Variants in PCED1B observed in about 807,000 individuals in gnomAD.
The protein encoded by PCED1B is PC-esterase domain-containing protein 1B.
For missense variants in PCED1B, 573 were observed against 573.9 expected (o/e 1.00, Z 0.02); for synonymous variants, 251 against 246.1 (o/e 1.02, Z -0.19).
intron 2 of PCED1B, among the ~76,000 whole-genome samples, chr12:47,155,942 G>C (rs1296842012): frequency 6.6e-6 from 1 of 152,116 alleles, no homozygotes; most frequent in Non-Finnish European, 1.5e-5. Flanking sequence ...AGGGGAGAAG[G>C]GGTGGCTATT....
At chr12:47,218,579 G>A (rs1361540978) in intron 3 of PCED1B, among the ~76,000 whole-genome samples, 1 of 152,120 alleles carries the variant, frequency 6.6e-6, no homozygotes, top group Non-Finnish European at 1.5e-5. Context: ...AAACTCCTGG[G>A]TGCAAGGTAT....
At chr12:47,115,742 T>C (rs1939392424) in intron 2 of PCED1B, among the ~76,000 whole-genome samples, 1 of 152,216 alleles carries the variant, frequency 6.6e-6, no homozygotes. Context: ...ATGATGATGG[T>C]CTATAGCAGA....
At chr12:47,183,178 T>C (rs1488704117) in intron 2 of PCED1B, among the ~76,000 whole-genome samples, 1 of 152,148 alleles carries the variant, frequency 6.6e-6, no homozygotes, top group East Asian at 1.9e-4. Flanking sequence ...TAGGGAAAAA[T>C]AGAGTGCTAC....
intron 2 of PCED1B, among the ~76,000 whole-genome samples, chr12:47,123,577 A>T (rs1349829903): frequency 6.6e-6 from 1 of 152,106 alleles, no homozygotes; most frequent in Non-Finnish European, 1.5e-5. Context: ...TATCAAAAAA[A>T]ATTAATAACA....
At chr12:47,175,896 T>TC (rs1319414956) in intron 2 of PCED1B, among the ~76,000 whole-genome samples, 1 of 151,282 alleles carries the variant, frequency 6.6e-6, no homozygotes, top group Non-Finnish European at 1.5e-5. Context: ...TAATTTTATT[T>TC]CTTTTTTTTT....
rs144570421 is a variant in PCED1B, at chr12:47,180,629, G to T, written c.-525-35593G>T. Among the ~76,000 whole-genome samples, 3 of 152,230 alleles carry T rather than the reference G, an allele frequency of 2.0e-5. 1 individual carries two copies. Among genetic ancestry groups the T allele is most frequent in the Admixed American group, 1.3e-4 (2 of 15,280 alleles). On this transcript the variant is annotated intron_variant, in intron 2 of 3. Coordinates refer to ENST00000546455, the MANE Select transcript of PCED1B (RefSeq NM_138371.3). The stretch of plus-strand genomic sequence containing the variant: ...TAGTTAAATAAAGAGCTTCTGCACC[G>T]CAAAAGAAACCATCATTAGAGTGAA...
chr12:47,092,505 AT>A (rs1592132318), intron 1 of PCED1B, among the ~76,000 whole-genome samples: 2 of 152,010 alleles, frequency 1.3e-5, no homozygotes, highest in East Asian at 3.9e-4. Context: ...TCTCCATGAC[AT>A]TTATTTCTTT....
chr12:47,162,670 G>A (rs1785700558), intron 2 of PCED1B, among the ~76,000 whole-genome samples: 1 of 152,164 alleles, frequency 6.6e-6, no homozygotes, highest in Non-Finnish European at 1.5e-5. Context: ...AGAGGAGGGA[G>A]AGGCCAGACT....
At chr12:47,185,343 C>T (rs1942221201) in intron 2 of PCED1B, among the ~76,000 whole-genome samples, 1 of 152,124 alleles carries the variant, frequency 6.6e-6, no homozygotes. Flanking sequence ...CAGAGACACA[C>T]ACAGAGGGAA....
At chr12:47,183,729 T>C (rs1942165985) in intron 2 of PCED1B, among the ~76,000 whole-genome samples, 1 of 152,250 alleles carries the variant, frequency 6.6e-6, no homozygotes. Context: ...ATATTTTTGC[T>C]CAGCCATCTT....
At chr12:47,116,033 A>C (rs1415863210) in intron 2 of PCED1B, among the ~76,000 whole-genome samples, 1 of 152,226 alleles carries the variant, frequency 6.6e-6, no homozygotes, top group African/African-American at 2.4e-5. Flanking sequence ...ATAGAACAAG[A>C]AAATATTCCT....
intron 2 of PCED1B, among the ~76,000 whole-genome samples, chr12:47,120,929 A>T (rs1359054398): frequency 6.6e-6 from 1 of 152,198 alleles, no homozygotes; most frequent in African/African-American, 2.4e-5. Context: ...TTTATGTGAA[A>T]TGTTCTTAAC....
chr12:47,140,776 A>C (rs1466552964), intron 2 of PCED1B, among the ~76,000 whole-genome samples: 1 of 152,216 alleles, frequency 6.6e-6, no homozygotes, highest in South Asian at 2.1e-4. Flanking sequence ...ATAAGCAGGG[A>C]AAGAGTGCAA....
chr12:47,177,826 C>T (rs898361992), intron 2 of PCED1B, among the ~76,000 whole-genome samples: 3 of 152,018 alleles, frequency 2.0e-5, no homozygotes, highest in African/African-American at 7.2e-5. Flanking sequence ...TGGTGGCACA[C>T]ACCTGTACTA....
chr12:47,211,492 A>T lies in PCED1B; in HGVS notation c.-525-4730A>T, dbSNP rs542909950. 4.4e-5 allele frequency among the ~76,000 whole-genome samples: 6 copies of T among 136,256 alleles called. No homozygotes were observed. In the East Asian group the frequency reaches 6.3e-4, roughly 14 times the overall value. The allele number at this position is 136,256 out of a possible 152,430, so 89.4% of individuals were successfully genotyped here. A position where few individuals can be genotyped will look rare whatever the true frequency, so the allele number is the denominator to read the frequency against. On this transcript the variant is annotated intron_variant, in intron 2 of 3. Coordinates refer to ENST00000546455, the MANE Select transcript of PCED1B (RefSeq NM_138371.3). The stretch of plus-strand genomic sequence containing the variant: ...CATGGTGAAACCCCAACTCTACTTT[A>T]AAAAAAAAAAAAGGAGCCAGGTGTA...
chr12:47,099,908 G>A (rs1938631143), intron 1 of PCED1B, among the ~76,000 whole-genome samples: 1 of 152,184 alleles, frequency 6.6e-6, no homozygotes, highest in Non-Finnish European at 1.5e-5. Context: ...CAGTCATAAA[G>A]CTGACTTTCC....
At chr12:47,080,258 G>A (rs1238849236) in intron 1 of PCED1B, among the ~76,000 whole-genome samples, 4 of 152,182 alleles carry the variant, frequency 2.6e-5, no homozygotes, top group African/African-American at 2.4e-5. Flanking sequence ...GGTCCAGGAA[G>A]GCTAAAGGGG....
chr12:47,167,335 G>A (rs1420549023), intron 2 of PCED1B, among the ~76,000 whole-genome samples: 2 of 152,068 alleles, frequency 1.3e-5, no homozygotes, highest in African/African-American at 2.4e-5. Context: ...GGCATTCCTA[G>A]GGGTCAGTGC....
intron 2 of PCED1B, among the ~76,000 whole-genome samples, chr12:47,121,020 T>G (rs1438296706): frequency 6.6e-6 from 1 of 152,124 alleles, no homozygotes; most frequent in African/African-American, 2.4e-5. Context: ...GGGACATAGC[T>G]AAAGGGTATG....
Sources: gnomAD v4.1 joint callset for allele counts (sites outside exome capture counted in the v4.1 genomes callset) on GRCh38, gnomAD v4.1.1 for gene constraint, MANE v1.5 for transcripts, NCBI Gene and HGNC (gene_info 2026-07-23, HGNC 2026-07-21) for gene names.